DYM: variants seen among roughly 807,000 people sequenced by gnomAD.
The protein encoded by DYM is dymeclin.
In DYM, 78 loss-of-function variants were observed where a neutral mutation model predicts 93.1. The observed-to-expected ratio is 0.84, with a 90% CI of 0.70 to 1.01. The LOEUF is 1.01. Ranked by LOEUF, DYM falls within the 50% of genes least tolerant of loss-of-function variation. The pLI, the probability that DYM is intolerant of heterozygous loss-of-function variation, is 0.00. For missense variants in DYM, 789 were observed against 845.0 expected (o/e 0.93, Z 0.82); for synonymous variants, 321 against 319.7 (o/e 1.00, Z -0.04).
chr18:49,144,557 C>A (rs1466211736), intron 15 of DYM, among the ~76,000 whole-genome samples: 1 of 152,096 alleles, frequency 6.6e-6, no homozygotes, highest in African/African-American at 2.4e-5. Context: ...ATTTGAAAGG[C>A]AGGACAAATC....
chr18:49,308,923 G>A (rs1001853707), intron 8 of DYM, among the ~76,000 whole-genome samples: 14 of 152,076 alleles, frequency 9.2e-5, no homozygotes, highest in African/African-American at 2.4e-4. Flanking sequence ...ACCAACCATA[G>A]GCTGAAGGCT....
chr18:49,370,103 C>T lies in DYM; in HGVS notation c.422-6870G>A, dbSNP rs563556266. Among the ~76,000 whole-genome samples, 7 of 152,004 alleles carry T rather than the reference C, an allele frequency of 4.6e-5. No individual in the cohort carries two copies. In the South Asian group the frequency reaches 1.5e-3, roughly 32 times the overall value. ...ACCAGCCTGGCCAACACGGTGAAAC[C>T]CCCGTCTCTACTAAAAATACAAAAA... On this transcript the variant is annotated intron_variant, in intron 5 of 17. Transcript: ENST00000675505.
chr18:49,191,231 C>G (rs891774917), intron 14 of DYM, among the ~76,000 whole-genome samples: 9 of 152,068 alleles, frequency 5.9e-5, no homozygotes, highest in Non-Finnish European at 8.8e-5. Flanking sequence ...AGTAACTAAA[C>G]AGAAGAATGA....
intron 2 of DYM, among the ~76,000 whole-genome samples, chr18:49,419,918 G>T (rs979465789): frequency 6.6e-6 from 1 of 151,960 alleles, no homozygotes; most frequent in Non-Finnish European, 1.5e-5. Context: ...TCTCCATTTC[G>T]CCCTCTTTTC....
chr18:49,113,981 C>T (rs1184709134), intron 16 of DYM, among the ~76,000 whole-genome samples: 1 of 152,124 alleles, frequency 6.6e-6, no homozygotes, highest in Non-Finnish European at 1.5e-5. Context: ...GGATTCAGGG[C>T]CTGGTTGACT....
intron 17 of DYM, among the ~76,000 whole-genome samples, chr18:49,074,917 G>C (rs1245450400): frequency 3.3e-5 from 5 of 152,194 alleles, no homozygotes; most frequent in Non-Finnish European, 1.5e-5. Flanking sequence ...ACAGAAGACA[G>C]AGAAGGCTTA....
intron 2 of DYM, among the ~76,000 whole-genome samples, chr18:49,405,770 T>A (rs944826700): frequency 6.6e-6 from 1 of 152,198 alleles, no homozygotes; most frequent in Non-Finnish European, 1.5e-5. Context: ...AAAAATGACA[T>A]GGTAGTTTCA....
chr18:49,128,297 C>T (rs753910596), intron 15 of DYM, among the ~76,000 whole-genome samples: 7 of 152,156 alleles, frequency 4.6e-5, no homozygotes, highest in Non-Finnish European at 8.8e-5. Context: ...GAGACAAGTG[C>T]GTACCAGAGC....
chr18:49,176,623 C>T (rs888369763), intron 14 of DYM, among the ~76,000 whole-genome samples: 9 of 148,628 alleles, frequency 6.1e-5, no homozygotes, highest in African/African-American at 1.0e-4. Context: ...CCTTGTTGCC[C>T]GCACTGGTCT....
At chr18:49,049,002 AG>A (rs1275213432) in intron 17 of DYM, among the ~76,000 whole-genome samples, 1 of 152,248 alleles carries the variant, frequency 6.6e-6, no homozygotes, top group Non-Finnish European at 1.5e-5. Context: ...ACAAAATCTC[AG>A]GAACATCCAG....
intron 15 of DYM, among the ~76,000 whole-genome samples, chr18:49,140,211 C>A (rs2084324757): frequency 6.6e-6 from 1 of 152,166 alleles, no homozygotes; most frequent in African/African-American, 2.4e-5. Flanking sequence ...CACACATACA[C>A]ACACACAGTT....
chr18:49,152,637 T>C (rs1168570876), intron 15 of DYM, among the ~76,000 whole-genome samples: 1 of 152,196 alleles, frequency 6.6e-6, no homozygotes, highest in Non-Finnish European at 1.5e-5. Flanking sequence ...TCTGGGTATA[T>C]ACCCAAAGGA....
At position 49,457,769 on chromosome 18, in the gene DYM, G is replaced by T. The variant is rs568023087; in HGVS notation, c.-54+2629C>A. Among the ~76,000 whole-genome samples the T allele has an allele frequency of 6.6e-5, 10 of 152,296 alleles. No individual in the cohort carries two copies. In the South Asian group the frequency reaches 2.1e-3, roughly 32 times the overall value. On this transcript the variant is annotated intron_variant, in intron 1 of 17. Transcript: ENST00000675505. The stretch of plus-strand genomic sequence containing the variant: ...GCGTGATTAAATTAAGAACCTCGAG[G>T]GGGGATTTATCCTGAATTAGCTAAG...
At chr18:49,064,351 A>T (rs956313238) in intron 17 of DYM, among the ~76,000 whole-genome samples, 5 of 152,228 alleles carry the variant, frequency 3.3e-5, no homozygotes, top group African/African-American at 1.2e-4. Context: ...ATTTTAAGCT[A>T]ATCTTTTTAT....
chr18:49,244,713 GAAA>G (rs564219884), intron 13 of DYM, among the ~76,000 whole-genome samples: 1 of 151,936 alleles, frequency 6.6e-6, no homozygotes, highest in African/African-American at 2.4e-5. Flanking sequence ...AGAAGAAGAA[GAAA>G]AAAACCCAAA....
chr18:49,169,740 G>A (rs2088411143), intron 14 of DYM, among the ~76,000 whole-genome samples: 1 of 152,176 alleles, frequency 6.6e-6, no homozygotes, highest in Admixed American at 6.5e-5. Flanking sequence ...ACCGAAGGTT[G>A]AAAACCACTG....
chr18:49,078,134 T>C (rs894894605), intron 17 of DYM, among the ~76,000 whole-genome samples: 6 of 152,202 alleles, frequency 3.9e-5, no homozygotes, highest in Non-Finnish European at 8.8e-5. Flanking sequence ...GCCCTAGAGA[T>C]GACAATATAC....
chr18:49,118,881 C>G lies in DYM; in HGVS notation c.1774G>C (p.Glu592Gln), dbSNP rs2082140638. The change falls in exon 16 of 18, where the codon GAG (glutamate) becomes CAG (glutamine). Residue 592 changes from glutamate to glutamine, a missense_variant. Physicochemically the swap from Glu to Gln is conservative, Grantham distance 29. This residue lies in a region of DYM where 225 missense variants were observed against 303.0 expected (regional missense o/e 0.74). Coordinates refer to ENST00000675505, the MANE Select transcript of DYM (RefSeq NM_001353214.3). The part of the protein sequence containing the change: ...VIEEVIRMML[E>Q]IINSCLTNSL... Reference sequence around the variant, plus strand: ...TTTGTCAGGCAGGAGTTGATGATCTCTAACATCATTCGAATCACTTCTTCA... The same window carrying G: ...TTTGTCAGGCAGGAGTTGATGATCTGTAACATCATTCGAATCACTTCTTCA... 6.2e-7 allele frequency: 1 copy of G among 1,614,026 alleles called. No individual in the cohort carries two copies. The highest frequency in any genetic ancestry group is 8.5e-7 in the Non-Finnish European group (1 of 1,179,978).
rs1270639874 is a variant in DYM, at chr18:49,043,800, T to C, written c.*255A>G. Reference sequence around the variant, plus strand: ...TTTTTGGCTTCGAAATAAAACTGCATGTTGAATAGCAGGTTTTTACATTTA... The same window carrying C: ...TTTTTGGCTTCGAAATAAAACTGCACGTTGAATAGCAGGTTTTTACATTTA... On this transcript the variant is annotated 3_prime_UTR_variant, in exon 18 of 18. Coordinates refer to ENST00000675505, the MANE Select transcript of DYM (RefSeq NM_001353214.3). 10 of 497,422 alleles carry C rather than the reference T, an allele frequency of 2.0e-5. No homozygotes were observed. The highest frequency in any genetic ancestry group is 3.6e-5 in the Non-Finnish European group (10 of 276,304). 30.8% of individuals were successfully genotyped at this position (497,422 alleles called of 1,614,324 possible). A position where few individuals can be genotyped will look rare whatever the true frequency, so the allele number is the denominator to read the frequency against.
Sources: allele counts gnomAD v4.1 joint callset (sites outside exome capture counted in the v4.1 genomes callset), GRCh38; gene constraint gnomAD v4.1.1; regional missense constraint gnomAD v4.1.1; transcripts MANE v1.5; gene names NCBI Gene and HGNC (gene_info 2026-07-23, HGNC 2026-07-21).